Variants in FOXO3B observed in about 807,000 individuals in gnomAD.
The protein encoded by FOXO3B is forkhead box protein O3B.
Under a neutral mutation model 21.9 loss-of-function variants are expected in FOXO3B, and 15 were observed. The observed-to-expected ratio is 0.68, with a 90% CI of 0.46 to 1.05. The LOEUF (loss-of-function observed/expected upper bound fraction) is 1.05. Ranked by LOEUF, FOXO3B falls within the 50% of genes least tolerant of loss-of-function variation. The pLI, the probability that FOXO3B is intolerant of heterozygous loss-of-function variation, is 0.00. For synonymous variants in FOXO3B, 135 were observed against 213.6 expected, an observed-to-expected ratio of 0.63 and a Z score of 3.21; for missense variants, 293 against 435.5, an observed-to-expected ratio of 0.67 and a Z score of 2.91.
chr17:18,672,191 C>A lies in FOXO3B; in HGVS notation c.*118G>T. 6.2e-7 allele frequency: 1 copy of A among 1,613,328 alleles called. No homozygotes were observed. The highest frequency in any genetic ancestry group is 1.1e-5 in the South Asian group (1 of 91,032). On this transcript the variant is annotated 3_prime_UTR_variant, in exon 4 of 4. Coordinates refer to ENST00000395675, the MANE Select transcript of FOXO3B (RefSeq NM_001368135.1). This position sits in a 1 kb window ranked among gnomAD's most constrained non-coding sequence, Gnocchi z 4.2. ...ATGGAGACAGCCCGCCGCCGGGGGG[C>A]TTTTCCGCTCTTCCCCCCATCAGGG...
intron 3 of FOXO3B, among the ~76,000 whole-genome samples, chr17:18,678,309 ATAT>A (rs560669663): frequency 7.2e-5 from 11 of 152,366 alleles, no homozygotes; most frequent in African/African-American, 2.6e-4. Context: ...TCAAAACAAA[ATAT>A]TATTGCTGGG....
intron 3 of FOXO3B, among the ~76,000 whole-genome samples, chr17:18,675,873 T>C (rs1211344121): frequency 1.3e-5 from 2 of 152,124 alleles, no homozygotes; most frequent in African/African-American, 4.8e-5. Context: ...GACACTGGGA[T>C]AAAGTAGATA....
At chr17:18,675,882 T>TA (rs1567891094) in intron 3 of FOXO3B, among the ~76,000 whole-genome samples, 1 of 152,022 alleles carries the variant, frequency 6.6e-6, no homozygotes, top group African/African-American at 2.4e-5. Context: ...ATAAAGTAGA[T>TA]AGACAATTCA....
At position 18,671,926 on chromosome 17, in the gene FOXO3B, T is replaced by A. The variant is rs551256800; in HGVS notation, c.*383A>T. 1.8e-4 allele frequency: 294 copies of A among 1,613,622 alleles called. No homozygotes were observed. In the African/African-American group the frequency reaches 3.6e-3, roughly 20 times the overall value. Reference sequence around the variant, plus strand: ...AGGCGCATCGTCGTCCTGGACTTCATCCAACTCTGTGCTTGCCATGATGGG... The same window carrying A: ...AGGCGCATCGTCGTCCTGGACTTCAACCAACTCTGTGCTTGCCATGATGGG... On this transcript the variant is annotated 3_prime_UTR_variant, in exon 4 of 4. Coordinates refer to ENST00000395675, the MANE Select transcript of FOXO3B (RefSeq NM_001368135.1).
Position 18,672,775 on chromosome 17 carries a change from G to C in FOXO3B, c.407C>G (p.Thr136Arg), listed in dbSNP as rs1014791306. 5.8e-6 allele frequency: 9 copies of C among 1,554,136 alleles called. No homozygotes were observed. The highest frequency in any genetic ancestry group is 7.0e-6 in the Non-Finnish European group (8 of 1,151,032). Residue 136 changes from threonine (T) to arginine (R), a missense_variant, in exon 4 of 4, where the codon ACG becomes AGG. Thr to Arg is a moderately conservative substitution (Grantham distance 71). Around this residue, in one of 2 missense-constraint regions of FOXO3B, gnomAD observed 251 missense variants for 404.0 expected, o/e 0.62. Transcript: ENST00000395675. This position sits in a 1 kb window ranked among gnomAD's most constrained non-coding sequence, Gnocchi z 4.2. The stretch of plus-strand genomic sequence containing the variant: ...CTCGGGGATCATGGAGTCGGCGGCC[G>C]TCTCCCCCGAGGGCTTGGCAGGGCT... ...QASPAKPSGE[T>R]AADSMIPEEE...
At chr17:18,677,435 C>A in intron 3 of FOXO3B, 1 of 1,614,168 alleles carries the variant, frequency 6.2e-7, no homozygotes, top group Non-Finnish European at 8.5e-7. Context: ...TACTGCTGAC[C>A]ATCAAGTGCC....
rs1358762794 is a variant in FOXO3B, at chr17:18,673,099, C to T, written c.127-44G>A. On this transcript the variant is annotated intron_variant, in intron 3 of 3. Transcript: ENST00000395675. ...AGAGAGAAGGAGAGTTGGTTATCCC[C>T]GGCCGGAGCCCCGTCCTCGGCGAGT... 4.8e-6 allele frequency: 7 copies of T among 1,453,140 alleles called. No individual in the cohort carries two copies. The African/African-American group carries it at 1.1e-4, about 22-fold the overall frequency. 90.0% of individuals were successfully genotyped at this position (1,453,140 alleles called of 1,614,324 possible). A position where few individuals can be genotyped will look rare whatever the true frequency, so the allele number is the denominator to read the frequency against.
Position 18,671,041 on chromosome 17 carries a change from G to C in FOXO3B, c.*1268C>G. The C allele has an allele frequency of 1.8e-6, 2 of 1,102,060 alleles. No homozygotes were observed. Among genetic ancestry groups the C allele is most frequent in the East Asian group, 2.4e-5 (1 of 42,304 alleles). 68.3% of individuals were successfully genotyped at this position (1,102,060 alleles called of 1,614,324 possible). A position where few individuals can be genotyped will look rare whatever the true frequency, so the allele number is the denominator to read the frequency against. ...CCATCAGCATCCATGAGTTCACTAC[G>C]GATAATGGACTCCATGTCACATTCC... is the stretch of plus-strand genomic sequence containing the variant. On this transcript the variant is annotated 3_prime_UTR_variant, in exon 4 of 4. Coordinates refer to ENST00000395675, the MANE Select transcript of FOXO3B (RefSeq NM_001368135.1).
chr17:18,677,911 C>CAAAAAAAA (rs57669387), intron 3 of FOXO3B, among the ~76,000 whole-genome samples: 123 of 92,578 alleles, frequency 1.3e-3, no homozygotes, highest in South Asian at 2.2e-3. Context: ...GTTGGAAAAG[C>CAAAAAAAA]AAAAAAAAAA....
At chr17:18,678,502 T>C (rs537724815) in intron 3 of FOXO3B, among the ~76,000 whole-genome samples, 2,804 of 152,032 alleles carry the variant, frequency 0.018, 92 homozygotes, top group African/African-American at 0.063. Flanking sequence ...CTTTATTACA[T>C]TGAAGAACTA....
At chr17:18,680,716 T>A in intron 3 of FOXO3B, 25 bp downstream of exon 3, 1 of 1,612,896 alleles carries the variant, frequency 6.2e-7, no homozygotes. Flanking sequence ...AAGGTGTAAT[T>A]CCAATAATCA....
rs1019065736 is a variant in FOXO3B at position 18,672,903 on chromosome 17, C to T, written c.279G>A (p.Pro93=). The change falls in exon 4 of 4, where the codon CCG becomes CCA. Residue 93 remains proline, a synonymous_variant. Coordinates refer to ENST00000395675, the MANE Select transcript of FOXO3B (RefSeq NM_001368135.1). This position sits in a 1 kb window ranked among gnomAD's most constrained non-coding sequence, Gnocchi z 4.2. ...AAKMAEAPAS[P]APLSPLEVEL... ...CCACTTCGAGCGGAGAAAGCGGGGC[C>T]GGGGAAGCCGGTGCCTCTGCCATCT... 89 of 1,550,830 alleles carry T rather than the reference C, an allele frequency of 5.7e-5. No homozygotes were observed. The highest frequency in any genetic ancestry group is 7.1e-5 in the Non-Finnish European group (82 of 1,149,912).
chr17:18,670,583 G>C lies in FOXO3B; in HGVS notation c.*1726C>G, dbSNP rs2032343992. Reference sequence around the variant, plus strand: ...TAAAACACCACAGAATGGCCGAAGAGGGCTCACGGTGTGCTCTGAACGAGG... The same window carrying C: ...TAAAACACCACAGAATGGCCGAAGACGGCTCACGGTGTGCTCTGAACGAGG... On this transcript the variant is annotated 3_prime_UTR_variant, in exon 4 of 4. Coordinates refer to ENST00000395675, the MANE Select transcript of FOXO3B (RefSeq NM_001368135.1). Among the ~76,000 whole-genome samples the C allele has an allele frequency of 6.6e-6, 1 of 152,236 alleles. No homozygotes were observed. The highest frequency in any genetic ancestry group is 1.5e-5 in the Non-Finnish European group (1 of 68,048).
intron 3 of FOXO3B, among the ~76,000 whole-genome samples, chr17:18,678,154 G>C (rs1208292490): frequency 6.6e-6 from 1 of 152,010 alleles, no homozygotes; most frequent in Non-Finnish European, 1.5e-5. Flanking sequence ...AACTACAAAA[G>C]AGGAAACAAT....
chr17:18,677,596 G>A lies in FOXO3B; in HGVS notation c.126+3145C>T, dbSNP rs1196099919. The A allele has an allele frequency of 5.6e-6, 9 of 1,604,300 alleles. No individual in the cohort carries two copies. The Admixed American group carries it at 6.8e-5, about 12-fold the overall frequency. ...CCCAGCGGCAGGGCCAAAGCCGGGC[G>A]GGCCCTGGCCAGTGGCACTGCAGCT... On this transcript the variant is annotated intron_variant, in intron 3 of 3. Coordinates refer to ENST00000395675, the MANE Select transcript of FOXO3B (RefSeq NM_001368135.1).
intron 3 of FOXO3B, among the ~76,000 whole-genome samples, chr17:18,674,581 G>A (rs1472822452): frequency 1.5e-5 from 2 of 132,746 alleles, no homozygotes; most frequent in South Asian, 2.7e-4. Flanking sequence ...AGCCAAGATC[G>A]CACCACTGCA....
intron 3 of FOXO3B, chr17:18,677,176 G>C: frequency 8.7e-7 from 1 of 1,153,828 alleles, no homozygotes; most frequent in Admixed American, 2.3e-5. Flanking sequence ...TTGGTACAAT[G>C]ACTCTAGAAA....
At chr17:18,678,334 T>C (rs1294709747) in intron 3 of FOXO3B, among the ~76,000 whole-genome samples, 1 of 152,022 alleles carries the variant, frequency 6.6e-6, no homozygotes, top group Non-Finnish European at 1.5e-5. Flanking sequence ...TGGGTACTGG[T>C]GGGTAGATGG....
rs11657302 is a variant in FOXO3B, at chr17:18,670,029, C to A, written c.*2280G>T. The stretch of plus-strand genomic sequence containing the variant: ...GAGCTGATTTCTTTCCTGAAAATAT[C>A]ATTATTCTAGTTTCTAACCAGCAGA... On this transcript the variant is annotated 3_prime_UTR_variant, in exon 4 of 4. Transcript: ENST00000395675. 0.013 allele frequency among the ~76,000 whole-genome samples: 1,925 copies of A among 150,040 alleles called. 25 individuals are homozygous for A. The highest frequency in any genetic ancestry group is 0.02 in the Non-Finnish European group (1,336 of 67,854).
Sources: gnomAD v4.1 joint callset for allele counts (sites outside exome capture counted in the v4.1 genomes callset) on GRCh38, gnomAD v4.1.1 for gene constraint, gnomAD v4.1.1 regional missense constraint, Gnocchi (gnomAD v3.1) non-coding constraint, MANE v1.5 for transcripts, NCBI Gene and HGNC (gene_info 2026-07-23, HGNC 2026-07-21) for gene names.